The following PARP9 variants were observed in gnomAD, a reference collection of about 807,000 sequenced individuals.
The protein encoded by PARP9 is poly(ADP-ribose) polymerase family member 9, also known as protein mono-ADP-ribosyltransferase PARP9.
Under a neutral mutation model 68.8 loss-of-function variants are expected in PARP9, and 48 were observed. The ratio of observed to expected loss-of-function variants is 0.70; its 90% CI spans 0.55 to 0.89. The LOEUF is 0.89. Ranked by LOEUF, PARP9 falls within the 40% of genes least tolerant of loss-of-function variation. PARP9 has a pLI of 0.00. For synonymous variants in PARP9, 309 were observed against 333.8 expected (o/e 0.93, Z 0.81); for missense variants, 806 against 969.3 (o/e 0.83, Z 2.24).
intron 4 of PARP9, among the ~76,000 whole-genome samples, chr3:122,554,121 A>G (rs1387501351): frequency 6.6e-6 from 1 of 152,160 alleles, no homozygotes; most frequent in Non-Finnish European, 1.5e-5. Context: ...ACTATGACTT[A>G]GAGCTCCACC....
intron 4 of PARP9, among the ~76,000 whole-genome samples, chr3:122,553,933 G>A (rs946265175): frequency 7.2e-5 from 11 of 152,028 alleles, no homozygotes; most frequent in African/African-American, 1.7e-4. Flanking sequence ...GGTGCTCTCC[G>A]TCTAGCAGGG....
At chr3:122,547,338 G>A (rs1197058484) in intron 6 of PARP9, among the ~76,000 whole-genome samples, 5 of 150,878 alleles carry the variant, frequency 3.3e-5, no homozygotes, top group Admixed American at 6.6e-5. Context: ...CAGGTGATCC[G>A]CCCAGCTCAG....
intron 10 of PARP9, among the ~76,000 whole-genome samples, chr3:122,530,167 G>A: frequency 7.5e-6 from 1 of 133,760 alleles, no homozygotes. Context: ...ACAAAGCAAG[G>A]CCCTGTCTCA....
Position 122,555,962 on chromosome 3 carries a change from T to G in PARP9, c.209A>C (p.Lys70Thr). 1 of 1,613,966 alleles carries G rather than the reference T, an allele frequency of 6.2e-7. No homozygotes were observed. The highest frequency in any genetic ancestry group is 8.5e-7 in the Non-Finnish European group (1 of 1,179,992). ...CATTTTTCTGAACACTTGCAGAGAT[T>G]TGCTGTTGCCTTCCTGAACTGGAGA... ...LVSPVQEGNS[K>T]SLQVFRKMLT... is the part of the protein sequence containing the mutation. Residue 70 changes from lysine (K) to threonine (T), a missense_variant, in exon 4 of 11, where the codon AAA (lysine) becomes ACA (threonine). By Grantham distance (78) the Lys-to-Thr change is moderately conservative (BLOSUM62 -1). Transcript: ENST00000682323.
intron 1 of PARP9, among the ~76,000 whole-genome samples, chr3:122,562,790 A>G (rs1244266336): frequency 6.6e-6 from 1 of 152,060 alleles, no homozygotes; most frequent in Non-Finnish European, 1.5e-5. Context: ...CCTACTGCCC[A>G]TTGTATTCCA....
chr3:122,536,791 T>A, intron 9 of PARP9, 143 bp downstream of exon 9: 2 of 990,334 alleles, frequency 2.0e-6, no homozygotes, highest in East Asian at 4.9e-5. Flanking sequence ...CCTGCCCTGC[T>A]CTCTTTTCAG....
At chr3:122,529,083 A>G (rs982611473) in intron 10 of PARP9, among the ~76,000 whole-genome samples, 2 of 151,898 alleles carry the variant, frequency 1.3e-5, no homozygotes, top group Non-Finnish European at 2.9e-5. Flanking sequence ...CTAAAAATAC[A>G]AAAATTTAGC....
intron 10 of PARP9, among the ~76,000 whole-genome samples, chr3:122,529,919 G>A (rs564433359): frequency 2.5e-4 from 38 of 152,034 alleles, no homozygotes; most frequent in African/African-American, 8.0e-4. Context: ...ATCTGGGCCC[G>A]GTGGTACACA....
At chr3:122,535,231 C>T in intron 10 of PARP9, 1 of 985,314 alleles carries the variant, frequency 1.0e-6, no homozygotes, top group African/African-American at 1.7e-5. Flanking sequence ...TTCCTGATTG[C>T]CCCAAAAGGC....
At chr3:122,557,688 C>T (rs2079819820) in intron 3 of PARP9, among the ~76,000 whole-genome samples, 1 of 152,192 alleles carries the variant, frequency 6.6e-6, no homozygotes, top group African/African-American at 2.4e-5. Flanking sequence ...CTAGTCTGCC[C>T]AGTCCGGCTT....
rs778970958 is a variant in PARP9, at chr3:122,556,139, A to AT, written c.50-19dup. ...ACCAGTCTCTGGAAAAGAAGAGAAGATTAAAAAAAAAAAAAAAAAAAAAAA... is the reference window on the plus strand; with the variant it reads ...ACCAGTCTCTGGAAAAGAAGAGAAGATTTAAAAAAAAAAAAAAAAAAAAAAA... On this transcript the variant is annotated intron_variant, in intron 3 of 10. Coordinates refer to ENST00000682323, the MANE Select transcript of PARP9 (RefSeq NM_001146105.2). 1.6e-6 allele frequency: 1 copy of AT among 614,876 alleles called. No individual in the cohort carries two copies. 38.1% of individuals were successfully genotyped at this position (614,876 alleles called of 1,614,324 possible).
chr3:122,553,337 C>T (rs1464193161), intron 4 of PARP9, among the ~76,000 whole-genome samples: 1 of 152,138 alleles, frequency 6.6e-6, no homozygotes, highest in Admixed American at 6.5e-5. Flanking sequence ...TGATAGTGTC[C>T]TTCCTTCCCC....
chr3:122,535,436 A>G (rs2077567586), intron 10 of PARP9: 2 of 985,322 alleles, frequency 2.0e-6, no homozygotes, highest in African/African-American at 1.7e-5. Context: ...GATAAAGATC[A>G]AGAGCCACAT....
chr3:122,537,531 C>A (rs951662500), intron 8 of PARP9, among the ~76,000 whole-genome samples: 1 of 152,152 alleles, frequency 6.6e-6, no homozygotes, highest in African/African-American at 2.4e-5. Flanking sequence ...TATAGCACCA[C>A]CACGTAATAA....
intron 8 of PARP9, among the ~76,000 whole-genome samples, chr3:122,538,391 A>G (rs1447201667): frequency 6.6e-6 from 1 of 152,208 alleles, no homozygotes. Flanking sequence ...TTTGATTTAA[A>G]AAATAAAATT....
At position 122,552,763 on chromosome 3, in the gene PARP9, T is replaced by A. The variant is rs1447677696; in HGVS notation, c.886-124A>T. Reference sequence around the variant, plus strand: ...TTTGAAGATCCTAAATTCTAAAAAATTTCATTAATAATGAATAGAAACTCG... The same window carrying A: ...TTTGAAGATCCTAAATTCTAAAAAAATTCATTAATAATGAATAGAAACTCG... On this transcript the variant is annotated intron_variant, in intron 4 of 10. Coordinates refer to ENST00000682323, the MANE Select transcript of PARP9 (RefSeq NM_001146105.2). 2.6e-5 allele frequency: 18 copies of A among 689,296 alleles called. No individual in the cohort carries two copies. The South Asian group carries it at 2.7e-4, about 10-fold the overall frequency. 42.7% of individuals were successfully genotyped at this position (689,296 alleles called of 1,614,324 possible). A position where few individuals can be genotyped will look rare whatever the true frequency, so the allele number is the denominator to read the frequency against.
At chr3:122,547,044 A>G (rs1220154227) in intron 6 of PARP9, among the ~76,000 whole-genome samples, 1 of 142,448 alleles carries the variant, frequency 7.0e-6, no homozygotes, top group Non-Finnish European at 1.5e-5. Flanking sequence ...ACATATACAT[A>G]CACACATATA....
chr3:122,564,290 G>C lies in PARP9; in HGVS notation c.-135C>G. On this transcript the variant is annotated 5_prime_UTR_variant, in exon 1 of 11. Transcript: ENST00000682323. ...GTGCAGACAGCACAGGGAGGAGGGG[G>C]AAGCGGCTCTGCCGGGAACAGGGAG... 1.9e-6 allele frequency: 2 copies of C among 1,078,592 alleles called. No individual in the cohort carries two copies. The highest frequency in any genetic ancestry group is 2.6e-6 in the Non-Finnish European group (2 of 774,238). The allele number at this position is 1,078,592 out of a possible 1,614,324, so 66.8% of individuals were successfully genotyped here.
At position 122,540,544 on chromosome 3, in the gene PARP9, T is replaced by C. The variant is rs759314857; in HGVS notation, c.1693A>G (p.Ile565Val). ...RADLIEVVMN[I>V]EDMLCKVQEE... ...TGTACTTTACAAAGCATATCTTCAA[T>C]GTTCATAACCACCTCAATGAGGTCA... The change falls in exon 8 of 11, where the codon ATT (isoleucine) becomes GTT (valine). Residue 565 changes from isoleucine (I) to valine (V), a missense_variant. Physicochemically the swap from Ile to Val is conservative, Grantham distance 29 (BLOSUM62 3). Coordinates refer to ENST00000682323, the MANE Select transcript of PARP9 (RefSeq NM_001146105.2). The C allele has an allele frequency of 1.4e-5, 22 of 1,614,114 alleles. No individual in the cohort carries two copies. The East Asian group carries it at 3.8e-4, about 28-fold the overall frequency.
Sources: gnomAD v4.1 joint callset for allele counts (sites outside exome capture counted in the v4.1 genomes callset) on GRCh38, gnomAD v4.1.1 for gene constraint, MANE v1.5 for transcripts, NCBI Gene and HGNC (gene_info 2026-07-23, HGNC 2026-07-21) for gene names.